The following PDE1C variants were observed in gnomAD, a reference collection of about 807,000 sequenced individuals.
The protein encoded by PDE1C is phosphodiesterase 1C.
PDE1C carries 62 observed loss-of-function variants against 93.1 expected under a neutral mutation model. The ratio of observed to expected loss-of-function variants is 0.67; its 90% CI spans 0.54 to 0.82. The LOEUF is 0.82. PDE1C is among the 40% of genes least tolerant of loss of function. PDE1C has a pLI of 0.00. For missense variants in PDE1C, 742 were observed against 884.6 expected (o/e 0.84, Z 2.04); for synonymous variants, 325 against 310.1 (o/e 1.05, Z -0.50).
chr7:32,141,748 C>T lies in PDE1C; in HGVS notation c.308+28037G>A, dbSNP rs1005979133. ...AAAAGGACATTGGTAGGGAAATTGG[C>T]AAACTCCAAATAAAGTTTGAAGTTT... On this transcript the variant is annotated intron_variant, in intron 3 of 18. Transcript: ENST00000396193. 5.5e-4 allele frequency among the ~76,000 whole-genome samples: 83 copies of T among 152,284 alleles called. 1 individual carries two copies. The highest frequency in any genetic ancestry group is 1.9e-3 in the African/African-American group (81 of 41,560).
At chr7:32,422,909 C>G (rs1042266048) in intron 1 of PDE1C, among the ~76,000 whole-genome samples, 7 of 152,136 alleles carry the variant, frequency 4.6e-5, no homozygotes, top group Non-Finnish European at 1.0e-4. Context: ...GACTTGAATC[C>G]AGAATCTCTT....
At chr7:31,800,775 A>AT (rs1300946379) in intron 16 of PDE1C, among the ~76,000 whole-genome samples, 1 of 151,444 alleles carries the variant, frequency 6.6e-6, no homozygotes, top group Non-Finnish European at 1.5e-5. Context: ...ACCAAAAAAA[A>AT]GCATACTAGG....
At chr7:31,800,223 T>A (rs984735138) in intron 16 of PDE1C, among the ~76,000 whole-genome samples, 5 of 151,628 alleles carry the variant, frequency 3.3e-5, no homozygotes, top group African/African-American at 1.2e-4. Flanking sequence ...ACTGCCTTTT[T>A]ATTCTCCTAA....
intron 1 of PDE1C, among the ~76,000 whole-genome samples, chr7:32,311,179 T>C (rs1451390340): frequency 2.6e-5 from 4 of 152,096 alleles, no homozygotes; most frequent in African/African-American, 9.7e-5. Context: ...CCTCAACACA[T>C]ACACCCTCCC....
At chr7:32,129,527 T>TACTGACAGAG (rs1799805187) in intron 3 of PDE1C, among the ~76,000 whole-genome samples, 5 of 123,828 alleles carry the variant, frequency 4.0e-5, no homozygotes, top group African/African-American at 1.2e-4. Flanking sequence ...ATTTCAAATT[T>TACTGACAGAG]GTTAAAATAT....
chr7:32,038,342 A>G (rs901667226), intron 2 of PDE1C, among the ~76,000 whole-genome samples: 1 of 152,158 alleles, frequency 6.6e-6, no homozygotes, highest in Admixed American at 6.6e-5. Flanking sequence ...CACAAGCAGA[A>G]TAAGTGCCTG....
chr7:32,406,265 G>T (rs982897533), intron 1 of PDE1C, among the ~76,000 whole-genome samples: 1 of 152,106 alleles, frequency 6.6e-6, no homozygotes, highest in Non-Finnish European at 1.5e-5. Context: ...CCTGTGCCAG[G>T]CACTGTAATT....
intron 2 of PDE1C, among the ~76,000 whole-genome samples, chr7:32,047,275 T>C (rs1412250945): frequency 6.6e-6 from 1 of 152,180 alleles, no homozygotes; most frequent in African/African-American, 2.4e-5. Flanking sequence ...GAGACATTTA[T>C]GAGTAAGCAG....
chr7:32,300,683 A>T (rs931492752), upstream of PDE1C, among the ~76,000 whole-genome samples: 1 of 152,202 alleles, frequency 6.6e-6, no homozygotes, highest in Admixed American at 6.5e-5. Context: ...TGACTCCCAG[A>T]TCTTACTATG....
chr7:32,308,755 C>T (rs1176485735), intron 1 of PDE1C, among the ~76,000 whole-genome samples: 1 of 152,140 alleles, frequency 6.6e-6, no homozygotes, highest in Non-Finnish European at 1.5e-5. Context: ...CTGTACGTCA[C>T]CATCATCAAA....
chr7:31,980,801 C>A (rs954457575), intron 2 of PDE1C, among the ~76,000 whole-genome samples: 2 of 152,192 alleles, frequency 1.3e-5, no homozygotes, highest in Non-Finnish European at 1.5e-5. Flanking sequence ...CTGGAGACCA[C>A]CCACCTTCCT....
chr7:32,311,597 A>T (rs28881498), intron 1 of PDE1C, among the ~76,000 whole-genome samples: 32,906 of 151,838 alleles, frequency 0.22, 3,617 homozygotes, highest in African/African-American at 0.25. Context: ...AGGCTGGTTC[A>T]ATATACGCAA....
chr7:32,309,686 G>C (rs928570766), intron 1 of PDE1C, among the ~76,000 whole-genome samples: 3 of 152,076 alleles, frequency 2.0e-5, no homozygotes, highest in Non-Finnish European at 2.9e-5. Flanking sequence ...ATACTTTACA[G>C]ACAAGCAAAT....
chr7:32,201,209 T>A (rs191542119), intron 2 of PDE1C, among the ~76,000 whole-genome samples: 2 of 152,356 alleles, frequency 1.3e-5, no homozygotes, highest in Admixed American at 1.3e-4. Context: ...CATTTCTATG[T>A]GCTTGTAAAA....
At chr7:32,048,505 G>A (rs1283926474) in intron 2 of PDE1C, among the ~76,000 whole-genome samples, 1 of 151,826 alleles carries the variant, frequency 6.6e-6, no homozygotes, top group African/African-American at 2.4e-5. Flanking sequence ...GAGGAGAGAG[G>A]GAGAGAGAGA....
At chr7:31,617,375 T>G in the PDE1C span, among the ~76,000 whole-genome samples, 1 of 152,218 alleles carries the variant, frequency 6.6e-6, no homozygotes, top group Admixed American at 6.5e-5. Flanking sequence ...ATCATACCTC[T>G]ATGTAGTATT....
At chr7:32,045,510 T>C (rs1584582493) in intron 2 of PDE1C, among the ~76,000 whole-genome samples, 1 of 152,222 alleles carries the variant, frequency 6.6e-6, no homozygotes, top group African/African-American at 2.4e-5. Context: ...GTCCCTGATG[T>C]TACCACTTAG....
intron 3 of PDE1C, among the ~76,000 whole-genome samples, chr7:32,149,329 G>T (rs529895495): frequency 6.6e-6 from 1 of 152,206 alleles, no homozygotes; most frequent in Non-Finnish European, 1.5e-5. Context: ...GTCAAGTGAA[G>T]GAGGGTTGGA....
At chr7:32,112,143 C>T (rs1355626956) in intron 3 of PDE1C, among the ~76,000 whole-genome samples, 2 of 152,120 alleles carry the variant, frequency 1.3e-5, no homozygotes, top group Non-Finnish European at 1.5e-5. Flanking sequence ...GACATGAGAT[C>T]TCTTGTGGGT....
Sources: gnomAD v4.1 joint callset for allele counts (sites outside exome capture counted in the v4.1 genomes callset) on GRCh38, gnomAD v4.1.1 for gene constraint, MANE v1.5 for transcripts, NCBI Gene and HGNC (gene_info 2026-07-23, HGNC 2026-07-21) for gene names.